Variants in MAGI2 observed in about 807,000 individuals in gnomAD.
The protein encoded by MAGI2 is membrane associated guanylate kinase, WW and PDZ domain containing 2, also known as membrane-associated guanylate kinase, WW and PDZ domain-containing protein 2.
In MAGI2, 35 loss-of-function variants were observed where a neutral mutation model predicts 133.3. The observed-to-expected ratio is 0.26, with a 90% CI of 0.20 to 0.35. MAGI2 has a LOEUF of 0.35. Ranked by LOEUF, MAGI2 falls within the 10% of genes least tolerant of loss-of-function variation. The pLI is 1.00. For missense variants in MAGI2, 1,636 were observed against 1,863.4 expected (o/e 0.88, Z 2.25); for synonymous variants, 729 against 710.6 (o/e 1.03, Z -0.41).
intron 10 of MAGI2, among the ~76,000 whole-genome samples, chr7:78,225,266 C>T (rs561200938): frequency 6.6e-6 from 1 of 152,318 alleles, no homozygotes; most frequent in African/African-American, 2.4e-5. Flanking sequence ...TTGCTAGAAA[C>T]ACTATGCCTT....
intron 1 of MAGI2, among the ~76,000 whole-genome samples, chr7:79,132,036 T>C (rs1021834647): frequency 1.3e-5 from 2 of 152,140 alleles, no homozygotes; most frequent in Admixed American, 1.3e-4. Flanking sequence ...AGTTACAAAA[T>C]AAATACAAAT....
chr7:79,346,017 T>A (rs938249219), intron 1 of MAGI2, among the ~76,000 whole-genome samples: 1 of 152,066 alleles, frequency 6.6e-6, no homozygotes. Flanking sequence ...ATTTTTCTCT[T>A]CTTAAAATTA....
chr7:78,832,002 C>T (rs976140022), intron 2 of MAGI2, among the ~76,000 whole-genome samples: 4 of 152,138 alleles, frequency 2.6e-5, no homozygotes, highest in Non-Finnish European at 4.4e-5. Context: ...GCAGAAAGAG[C>T]GAATCAGTGT....
At chr7:78,405,897 C>G (rs564508871) in intron 6 of MAGI2, among the ~76,000 whole-genome samples, 89 of 134,330 alleles carry the variant, frequency 6.6e-4, no homozygotes, top group Middle Eastern at 3.6e-3. Context: ...TACCATGTGC[C>G]TAGAAAATAT....
At chr7:78,525,743 C>A (rs1031429647) in intron 3 of MAGI2, among the ~76,000 whole-genome samples, 4 of 152,252 alleles carry the variant, frequency 2.6e-5, no homozygotes. Context: ...TAAATCAATT[C>A]AGTTAAAGTG....
intron 2 of MAGI2, among the ~76,000 whole-genome samples, chr7:78,870,002 G>A (rs1261100117): frequency 6.6e-6 from 1 of 152,116 alleles, no homozygotes. Context: ...TAGCCTTGTA[G>A]TATAGTTTGA....
chr7:78,299,069 C>T (rs1340516115), intron 9 of MAGI2, among the ~76,000 whole-genome samples: 8 of 150,672 alleles, frequency 5.3e-5, no homozygotes, highest in South Asian at 2.1e-4. Context: ...CCACCCATCC[C>T]GGCCTCCCAA....
chr7:78,481,262 A>C (rs1378007733), intron 6 of MAGI2, among the ~76,000 whole-genome samples: 1 of 151,970 alleles, frequency 6.6e-6, no homozygotes, highest in Admixed American at 6.6e-5. Flanking sequence ...AAAACTTATA[A>C]TCATGGCAGA....
At chr7:78,460,043 C>T (rs968030077) in intron 6 of MAGI2, among the ~76,000 whole-genome samples, 8 of 152,216 alleles carry the variant, frequency 5.3e-5, no homozygotes. Context: ...CAACACAAGA[C>T]AAGAATTTAA....
intron 10 of MAGI2, among the ~76,000 whole-genome samples, chr7:78,235,390 G>A (rs1430181739): frequency 6.6e-6 from 1 of 152,146 alleles, no homozygotes; most frequent in Non-Finnish European, 1.5e-5. Context: ...ATGTGGTTTG[G>A]CTGTGTCCCC....
intron 10 of MAGI2, among the ~76,000 whole-genome samples, chr7:78,240,488 A>G (rs1280567318): frequency 6.6e-6 from 1 of 152,196 alleles, no homozygotes. Context: ...GTCATTTGCA[A>G]CAGCGTGGGT....
intron 1 of MAGI2, among the ~76,000 whole-genome samples, chr7:79,270,182 C>A (rs1834776352): frequency 6.6e-6 from 1 of 152,074 alleles, no homozygotes; most frequent in South Asian, 2.1e-4. Context: ...GTCAGCAGCA[C>A]CCATTCTCCA....
intron 1 of MAGI2, among the ~76,000 whole-genome samples, chr7:79,147,448 G>A (rs917515527): frequency 1.3e-5 from 2 of 152,170 alleles, no homozygotes; most frequent in African/African-American, 4.8e-5. Context: ...AGCTCTGCAG[G>A]TTGAGAAAGT....
At chr7:78,668,315 T>C (rs1022675948) in intron 2 of MAGI2, among the ~76,000 whole-genome samples, 57 of 151,424 alleles carry the variant, frequency 3.8e-4, no homozygotes, top group Admixed American at 1.4e-3. Context: ...ATGAGTAGGT[T>C]GTGAAAATTT....
intron 1 of MAGI2, among the ~76,000 whole-genome samples, chr7:79,261,206 C>G (rs750044953): frequency 2.0e-5 from 3 of 152,146 alleles, no homozygotes; most frequent in Non-Finnish European, 4.4e-5. Context: ...GACTTGATTC[C>G]CAATAGCTAT....
chr7:79,031,941 T>C (rs1810619115), intron 1 of MAGI2, among the ~76,000 whole-genome samples: 1 of 152,134 alleles, frequency 6.6e-6, no homozygotes, highest in Non-Finnish European at 1.5e-5. Context: ...TTTCAGTATA[T>C]TCACATCAGG....
At chr7:79,375,159 G>A (rs921282924) in intron 1 of MAGI2, among the ~76,000 whole-genome samples, 27 of 151,968 alleles carry the variant, frequency 1.8e-4, no homozygotes, top group African/African-American at 6.5e-4. Context: ...TCTTTGTGTT[G>A]TTGGCAAATA....
intron 1 of MAGI2, chr7:79,124,816 G>A: frequency 5.8e-6 from 1 of 173,048 alleles, no homozygotes. Context: ...CAACCCATGA[G>A]AATCTGAGGA....
rs374688822 is a variant in MAGI2, at chr7:78,603,916, G to A, written c.538+23204C>T. Among the ~76,000 whole-genome samples, 88 of 152,296 alleles carry A rather than the reference G, an allele frequency of 5.8e-4. 4 individuals carry two copies. In the South Asian group the frequency reaches 0.015, roughly 27 times the overall value. On this transcript the variant is annotated intron_variant, in intron 3 of 21. Coordinates refer to ENST00000354212, the MANE Select transcript of MAGI2 (RefSeq NM_012301.4). ...TTTGTTGAACACCTACTATATGACA[G>A]GTACTGTGGTAGGGACCAGAATTAG...
Sources: gnomAD v4.1 joint callset for allele counts (sites outside exome capture counted in the v4.1 genomes callset) on GRCh38, gnomAD v4.1.1 for gene constraint, MANE v1.5 for transcripts, NCBI Gene and HGNC (gene_info 2026-07-23, HGNC 2026-07-21) for gene names.